Variants in TRAPPC9 observed in about 807,000 individuals in gnomAD.
TRAPPC9 encodes trafficking protein particle complex subunit 9.
TRAPPC9 carries 83 observed loss-of-function variants against 124.0 expected under a neutral mutation model. The ratio of observed to expected loss-of-function variants is 0.67; its 90% CI spans 0.56 to 0.80. The LOEUF is 0.80. TRAPPC9 is among the 30% of genes least tolerant of loss of function. The probability of loss-of-function intolerance (pLI) is 0.00; values close to 1 mark genes in which losing one functional copy is unlikely to be tolerated. For missense variants in TRAPPC9, 1,302 were observed against 1,508.3 expected (o/e 0.86, Z 2.27); for synonymous variants, 638 against 617.5 (o/e 1.03, Z -0.49).
chr8:140,055,347 C>T (rs116945941), intron 17 of TRAPPC9, among the ~76,000 whole-genome samples: 7 of 152,214 alleles, frequency 4.6e-5, no homozygotes, highest in Non-Finnish European at 1.0e-4. Context: ...CTCAACGAGC[C>T]AGGAATGGGA....
In TRAPPC9 at chr8:140,221,490, C is replaced by T. The variant is rs775892973; in HGVS notation, c.2525G>A (p.Ser842Asn). 5 of 1,614,008 alleles carry T rather than the reference C, an allele frequency of 3.1e-6. No individual in the cohort carries two copies. Among genetic ancestry groups the T allele is most frequent in the Non-Finnish European group, 4.2e-6 (5 of 1,180,020 alleles). Residue 842 changes from serine to asparagine, a missense_variant, in exon 17 of 23, where the codon AGC becomes AAC. Physicochemically the swap from Ser to Asn is conservative, Grantham distance 46. Coordinates refer to ENST00000438773, the MANE Select transcript of TRAPPC9 (RefSeq NM_001160372.4). ...GTGGCTGTAGTCGCCTGCTTTGTTG[C>T]TCTCGGGTGGGTTCACAGGTTTGCC... ...VEGKPVNPPE[S>N]NKAGDYSHVK...
intron 21 of TRAPPC9, among the ~76,000 whole-genome samples, chr8:139,752,647 A>C (rs960141526): frequency 1.3e-5 from 2 of 150,674 alleles, no homozygotes; most frequent in East Asian, 2.0e-4. Context: ...CCATCCATCC[A>C]AAATCCACCA....
At chr8:140,218,694 T>A (rs1689785984) in intron 17 of TRAPPC9, among the ~76,000 whole-genome samples, 2 of 152,032 alleles carry the variant, frequency 1.3e-5, no homozygotes, top group Non-Finnish European at 2.9e-5. Flanking sequence ...GTGTGGTGGC[T>A]CACATCTGTA....
chr8:140,139,457 C>T (rs931611420), intron 17 of TRAPPC9, among the ~76,000 whole-genome samples: 6 of 152,136 alleles, frequency 3.9e-5, no homozygotes, highest in African/African-American at 9.7e-5. Context: ...GATGTGAATA[C>T]GTGCACCAAA....
At chr8:140,107,635 G>A (rs771830211) in intron 17 of TRAPPC9, among the ~76,000 whole-genome samples, 11 of 152,248 alleles carry the variant, frequency 7.2e-5, no homozygotes, top group African/African-American at 2.2e-4. Context: ...GTGCAAGGGA[G>A]AAGAGGAATG....
intron 17 of TRAPPC9, among the ~76,000 whole-genome samples, chr8:140,155,340 C>A (rs148664400): frequency 1.3e-5 from 2 of 152,130 alleles, no homozygotes; most frequent in Non-Finnish European, 2.9e-5. Flanking sequence ...GTGGAAGCTG[C>A]GGGTGGTAGC....
chr8:140,132,141 A>C (rs928115108), intron 17 of TRAPPC9, among the ~76,000 whole-genome samples: 1 of 152,160 alleles, frequency 6.6e-6, no homozygotes, highest in Non-Finnish European at 1.5e-5. Flanking sequence ...GTTGCCTGGA[A>C]ACTAAATAGG....
chr8:140,273,525 A>C (rs1362596663), intron 15 of TRAPPC9, among the ~76,000 whole-genome samples: 1 of 152,120 alleles, frequency 6.6e-6, no homozygotes, highest in Non-Finnish European at 1.5e-5. Context: ...GAAGCCTTTC[A>C]CACACAGGTT....
chr8:139,881,429 A>C (rs1310304216), intron 21 of TRAPPC9: 3 of 152,170 alleles, frequency 2.0e-5, no homozygotes, highest in African/African-American at 7.2e-5. Flanking sequence ...ACATGTGGTA[A>C]GCGCCCCATC....
chr8:140,013,079 C>T (rs1839237702), intron 18 of TRAPPC9, among the ~76,000 whole-genome samples: 1 of 152,180 alleles, frequency 6.6e-6, no homozygotes, highest in African/African-American at 2.4e-5. Context: ...AGGAAGAACG[C>T]TAACAGCCTG....
intron 17 of TRAPPC9, among the ~76,000 whole-genome samples, chr8:140,201,027 G>T (rs2062776147): frequency 6.6e-6 from 1 of 152,192 alleles, no homozygotes; most frequent in Non-Finnish European, 1.5e-5. Flanking sequence ...TTCTTCCTGT[G>T]TTCCAGTAGC....
intron 11 of TRAPPC9, among the ~76,000 whole-genome samples, chr8:140,298,831 T>C (rs2065885627): frequency 1.3e-5 from 2 of 152,198 alleles, no homozygotes; most frequent in African/African-American, 4.8e-5. Context: ...ATCTATAAAA[T>C]GGGATTCATA....
chr8:140,316,406 T>A (rs1474702417), intron 9 of TRAPPC9, among the ~76,000 whole-genome samples: 1 of 152,208 alleles, frequency 6.6e-6, no homozygotes, highest in Non-Finnish European at 1.5e-5. Flanking sequence ...TCTTCCAGAA[T>A]TTGGAAACTA....
At position 139,737,467 on chromosome 8, in the gene TRAPPC9, C is replaced by CCCCG. The variant is rs956909476; in HGVS notation, c.3056-5266_3056-5265insCGGG. Among the ~76,000 whole-genome samples the CCCCG allele has an allele frequency of 1.5e-4, 12 of 80,664 alleles. 2 individuals carry two copies. Among genetic ancestry groups the CCCCG allele is most frequent in the Admixed American group, 8.5e-4 (7 of 8,190 alleles). 52.9% of individuals were successfully genotyped at this position (80,664 alleles called of 152,430 possible). A position where few individuals can be genotyped will look rare whatever the true frequency, so the allele number is the denominator to read the frequency against. On this transcript the variant is annotated intron_variant, in intron 21 of 22. Transcript: ENST00000438773. ...CCTTCAGGCGGGGGTCATCAGCCCT[C>CCCCG]CCCCCCCCCCCACGGAAAACCCTGA...
At chr8:139,787,978 A>G (rs1458959982) in intron 21 of TRAPPC9, among the ~76,000 whole-genome samples, 2 of 152,188 alleles carry the variant, frequency 1.3e-5, no homozygotes, top group Non-Finnish European at 2.9e-5. Context: ...AAGTGAGACT[A>G]GGAACCCCAC....
Position 140,063,153 on chromosome 8 carries a change from G to A in TRAPPC9, c.2557-39074C>T, listed in dbSNP as rs140018211. Among the ~76,000 whole-genome samples the A allele has an allele frequency of 3.9e-5, 6 of 152,180 alleles. No homozygotes were observed. The highest frequency in any genetic ancestry group is 2.1e-4 in the South Asian group (1 of 4,808). ...ATCATGAGAACGGTGTGGGGGAAGC[G>A]GCCACTGTGATTCAATGACCTCCAC... On this transcript the variant is annotated intron_variant, in intron 17 of 22. Coordinates refer to ENST00000438773, the MANE Select transcript of TRAPPC9 (RefSeq NM_001160372.4). The surrounding 1 kb of genome is among the most constrained non-coding windows in gnomAD (Gnocchi z 4.3).
At chr8:139,942,748 G>C (rs1403182359) in intron 19 of TRAPPC9, among the ~76,000 whole-genome samples, 1 of 152,186 alleles carries the variant, frequency 6.6e-6, no homozygotes, top group African/African-American at 2.4e-5. Flanking sequence ...ACGGTGCCAG[G>C]TACCCTTCCT....
Position 140,221,448 on chromosome 8 carries a change from T to C in TRAPPC9, c.2556+11A>G, listed in dbSNP as rs201489589. 2.7e-4 allele frequency: 430 copies of C among 1,613,794 alleles called. 4 individuals are homozygous for C. Among genetic ancestry groups the C allele is most frequent in the Non-Finnish European group, 7.1e-5 (84 of 1,179,888 alleles). On this transcript the variant is annotated intron_variant, in intron 17 of 22. Transcript: ENST00000438773. ...GGCACGTGGCAGATGCCGTCTGCCA[T>C]ACCAACTCACCTTCACGTGGCTGTA...
At chr8:140,245,945 CCTT>C (rs372991499) in intron 16 of TRAPPC9, among the ~76,000 whole-genome samples, 2 of 152,218 alleles carry the variant, frequency 1.3e-5, no homozygotes, top group African/African-American at 4.8e-5. Context: ...ATTCTATCCT[CCTT>C]ATCTCCATTG....
Sources: allele counts gnomAD v4.1 joint callset (sites outside exome capture counted in the v4.1 genomes callset), GRCh38; gene constraint gnomAD v4.1.1; non-coding constraint Gnocchi (gnomAD v3.1); transcripts MANE v1.5; gene names NCBI Gene and HGNC (gene_info 2026-07-23, HGNC 2026-07-21).